The following SLC24A3 variants were observed in gnomAD, a reference collection of about 807,000 sequenced individuals.
SLC24A3 encodes the protein sodium/potassium/calcium exchanger 3.
In SLC24A3, 28 loss-of-function variants were observed where a neutral mutation model predicts 75.8. The observed-to-expected ratio is 0.37, with a 90% confidence interval of 0.27 to 0.51. The LOEUF is 0.51. Ranked by LOEUF, SLC24A3 falls within the 20% of genes least tolerant of loss-of-function variation. The pLI, the probability that SLC24A3 is intolerant of heterozygous loss-of-function variation, is 0.94. For synonymous variants in SLC24A3, 372 were observed against 334.1 expected (o/e 1.11, Z -1.24); for missense variants, 663 against 847.8 (o/e 0.78, Z 2.71).
At chr20:19,594,218 T>C (rs1316675134) in intron 6 of SLC24A3, among the ~76,000 whole-genome samples, 1 of 151,706 alleles carries the variant, frequency 6.6e-6, no homozygotes, top group African/African-American at 2.4e-5. Flanking sequence ...TCGACTGGTG[T>C]CCACTGAAGA....
chr20:19,411,466 G>A lies in SLC24A3; in HGVS notation c.272-104022G>A, dbSNP rs551284243. On this transcript the variant is annotated intron_variant, in intron 2 of 16. Coordinates refer to ENST00000328041, the MANE Select transcript of SLC24A3 (RefSeq NM_020689.4). ...TTTGGACTTTGCCTTGGACATCGCC[G>A]AGCAGATTGATGTTTCTTCCTCCCA... Among the ~76,000 whole-genome samples, 13 of 152,300 alleles carry A rather than the reference G, an allele frequency of 8.5e-5. No individual in the cohort carries two copies. In the South Asian group the frequency reaches 1.4e-3, roughly 17 times the overall value.
At chr20:19,681,691 T>C (rs2032617025) in intron 9 of SLC24A3, among the ~76,000 whole-genome samples, 167 bp from the exon 10 acceptor site, 1 of 151,038 alleles carries the variant, frequency 6.6e-6, no homozygotes, top group Non-Finnish European at 1.5e-5. Context: ...TGGGACAGGC[T>C]TGTATATTCT....
At chr20:19,433,543 A>G (rs1172593944) in intron 2 of SLC24A3, among the ~76,000 whole-genome samples, 1 of 152,196 alleles carries the variant, frequency 6.6e-6, no homozygotes, top group Non-Finnish European at 1.5e-5. Flanking sequence ...TTGAAAAGCA[A>G]GATAAGGATG....
intron 1 of SLC24A3, among the ~76,000 whole-genome samples, chr20:19,214,674 G>T (rs1255458638): frequency 1.3e-5 from 2 of 152,068 alleles, no homozygotes; most frequent in Non-Finnish European, 2.9e-5. Context: ...TGGGATTTGG[G>T]AGGAGAGGAG....
chr20:19,427,406 G>T (rs1222703349), intron 2 of SLC24A3, among the ~76,000 whole-genome samples: 1 of 152,210 alleles, frequency 6.6e-6, no homozygotes, highest in Non-Finnish European at 1.5e-5. Flanking sequence ...TTCATCTGAA[G>T]AGGCATCTGG....
chr20:19,631,436 C>T (rs1187656162), intron 6 of SLC24A3, among the ~76,000 whole-genome samples: 1 of 152,160 alleles, frequency 6.6e-6, no homozygotes, highest in Non-Finnish European at 1.5e-5. Flanking sequence ...AGCCAAAATA[C>T]ATCAACTTTT....
intron 2 of SLC24A3, among the ~76,000 whole-genome samples, chr20:19,291,980 G>A (rs897584523): frequency 5.9e-5 from 9 of 152,182 alleles, no homozygotes; most frequent in African/African-American, 1.2e-4. Context: ...GGGTCATGAG[G>A]GAACCTTTCA....
rs560941149 is a variant in SLC24A3, at chr20:19,225,430, G to A, written c.142+12446G>A. Among the ~76,000 whole-genome samples the A allele has an allele frequency of 1.2e-3, 185 of 152,116 alleles. 6 individuals are homozygous for A. Among genetic ancestry groups the A allele is most frequent in the South Asian group, 1.5e-3 (7 of 4,816 alleles). ...CTGGGCATGAGAACAGGTCAATTCC[G>A]GTATTTTCCAAGCATTGTGGAATAT... is the stretch of plus-strand genomic sequence containing the variant. On this transcript the variant is annotated intron_variant, in intron 1 of 16. Coordinates refer to ENST00000328041, the MANE Select transcript of SLC24A3 (RefSeq NM_020689.4).
chr20:19,343,052 AG>A, intron 2 of SLC24A3, among the ~76,000 whole-genome samples: 1 of 147,198 alleles, frequency 6.8e-6, no homozygotes, highest in Non-Finnish European at 1.5e-5. Context: ...CCTGGGTGAC[AG>A]AACGAGACTC....
chr20:19,538,706 G>T (rs1400598167), intron 3 of SLC24A3, among the ~76,000 whole-genome samples: 1 of 152,180 alleles, frequency 6.6e-6, no homozygotes, highest in Admixed American at 6.5e-5. Flanking sequence ...CTGTAAAACT[G>T]CTTGGCACTA....
At chr20:19,249,913 G>C (rs1179781636) in intron 1 of SLC24A3, among the ~76,000 whole-genome samples, 1 of 152,242 alleles carries the variant, frequency 6.6e-6, no homozygotes, top group Non-Finnish European at 1.5e-5. Flanking sequence ...ACTATGCCAA[G>C]TGAAGACTGC....
intron 2 of SLC24A3, among the ~76,000 whole-genome samples, chr20:19,455,034 G>T (rs916175938): frequency 6.6e-6 from 1 of 152,018 alleles, no homozygotes; most frequent in Non-Finnish European, 1.5e-5. Flanking sequence ...TTTTTTATCA[G>T]CAAGGCAGAC....
intron 3 of SLC24A3, among the ~76,000 whole-genome samples, chr20:19,554,891 C>A (rs574520707): frequency 6.6e-5 from 10 of 152,294 alleles, no homozygotes; most frequent in Non-Finnish European, 1.0e-4. Flanking sequence ...GACAAAGCCA[C>A]CCACCAATTT....
At chr20:19,698,770 A>C in intron 15 of SLC24A3, 90 bp downstream of exon 15, 1 of 950,334 alleles carries the variant, frequency 1.1e-6, no homozygotes, top group Non-Finnish European at 1.6e-6. Flanking sequence ...TGTCTCGGGG[A>C]AAAAGGGGTG....
intron 2 of SLC24A3, among the ~76,000 whole-genome samples, chr20:19,473,942 G>T (rs749499116): frequency 2.6e-5 from 4 of 152,214 alleles, no homozygotes; most frequent in Non-Finnish European, 5.9e-5. Flanking sequence ...TCAGCAATCT[G>T]TCTGGATGCT....
chr20:19,674,611 T>C (rs780069645), intron 9 of SLC24A3, among the ~76,000 whole-genome samples: 1 of 152,224 alleles, frequency 6.6e-6, no homozygotes, highest in Non-Finnish European at 1.5e-5. Flanking sequence ...ATTCTGTTTA[T>C]TAGAAGCGAG....
At chr20:19,382,915 A>G (rs1896115803) in intron 2 of SLC24A3, among the ~76,000 whole-genome samples, 1 of 152,166 alleles carries the variant, frequency 6.6e-6, no homozygotes, top group South Asian at 2.1e-4. Flanking sequence ...AATTGTGAGC[A>G]TTCAACTCTG....
intron 3 of SLC24A3, among the ~76,000 whole-genome samples, chr20:19,567,034 A>C (rs78919345): frequency 0.029 from 4,356 of 152,316 alleles, 203 homozygotes; most frequent in African/African-American, 0.099. Flanking sequence ...TTGAGGAGAA[A>C]AGAGAATGCT....
intron 2 of SLC24A3, among the ~76,000 whole-genome samples, chr20:19,336,133 G>A (rs903159543): frequency 3.4e-4 from 52 of 152,300 alleles, no homozygotes; most frequent in African/African-American, 1.3e-3. Context: ...TAACTCCAGG[G>A]AGTGAGGGCA....
Sources: gnomAD v4.1 joint callset for allele counts (sites outside exome capture counted in the v4.1 genomes callset) on GRCh38, gnomAD v4.1.1 for gene constraint, MANE v1.5 for transcripts, NCBI Gene and HGNC (gene_info 2026-07-23, HGNC 2026-07-21) for gene names.